Variants in SGCD observed in about 807,000 individuals in gnomAD.
The protein encoded by SGCD is sarcoglycan delta, also known as delta-sarcoglycan.
Under a neutral mutation model 36.6 loss-of-function variants are expected in SGCD, and 18 were observed. That is an observed-to-expected ratio of 0.49 (90% CI 0.34 to 0.73). The LOEUF (loss-of-function observed/expected upper bound fraction) is 0.73. SGCD is among the 30% of genes least tolerant of loss of function. The pLI is 0.01. For synonymous variants in SGCD, 133 were observed against 130.6 expected, an observed-to-expected ratio of 1.02 and a Z score of -0.12; for missense variants, 387 against 346.7, an observed-to-expected ratio of 1.12 and a Z score of -0.92.
chr5:156,738,304 G>C (rs772331701), intron 7 of SGCD, among the ~76,000 whole-genome samples: 1 of 152,148 alleles, frequency 6.6e-6, no homozygotes, highest in Non-Finnish European at 1.5e-5. Context: ...ACCATAAAGA[G>C]AGTCCCTCTG....
At chr5:156,243,216 G>A (rs1765348979) in intron 3 of SGCD, among the ~76,000 whole-genome samples, 1 of 152,250 alleles carries the variant, frequency 6.6e-6, no homozygotes, top group Non-Finnish European at 1.5e-5. Flanking sequence ...GGGCATTAGA[G>A]CACAGGTCAG....
chr5:156,407,810 C>T (rs77795618), intron 3 of SGCD, among the ~76,000 whole-genome samples: 19 of 112,048 alleles, frequency 1.7e-4, no homozygotes, highest in African/African-American at 6.7e-4. Context: ...ATTTTGCTTA[C>T]TTAATGATTA....
At chr5:156,012,114 C>A (rs1419951615) in intron 1 of SGCD, among the ~76,000 whole-genome samples, 2 of 152,156 alleles carry the variant, frequency 1.3e-5, no homozygotes, top group Admixed American at 6.5e-5. Context: ...CTTATATATT[C>A]ATTTCTAATT....
At chr5:155,969,745 T>C (rs1208303155) in intron 1 of SGCD, among the ~76,000 whole-genome samples, 1 of 152,052 alleles carries the variant, frequency 6.6e-6, no homozygotes, top group Non-Finnish European at 1.5e-5. Context: ...CGTGGGCTAG[T>C]GTGTGGAAAA....
At chr5:156,593,783 T>G (rs138814390) in intron 5 of SGCD, among the ~76,000 whole-genome samples, 1 of 152,316 alleles carries the variant, frequency 6.6e-6, no homozygotes, top group African/African-American at 2.4e-5. Flanking sequence ...CTAGTGGTCT[T>G]TGGCTGGAAG....
At chr5:156,084,525 G>A (rs1002403750) in intron 1 of SGCD, among the ~76,000 whole-genome samples, 5 of 152,180 alleles carry the variant, frequency 3.3e-5, no homozygotes, top group African/African-American at 9.7e-5. Context: ...TCAGTGTGGG[G>A]TGGCCTTAGA....
In SGCD at chr5:156,502,147, C is replaced by T. The variant is rs139919668; in HGVS notation, c.193-6454C>T. The stretch of plus-strand genomic sequence containing the variant: ...CTGCAAACTCTGCCTCCTGTGTTCA[C>T]GCCATTCTCCTGCCTCAGCCTCCTG... On this transcript the variant is annotated intron_variant, in intron 3 of 8. Coordinates refer to ENST00000337851, the MANE Select transcript of SGCD (RefSeq NM_000337.6). Among the ~76,000 whole-genome samples, 1,229 of 151,408 alleles carry T rather than the reference C, an allele frequency of 8.1e-3. 24 individuals are homozygous for T. The highest frequency in any genetic ancestry group is 0.027 in the African/African-American group (1,111 of 41,264).
intron 3 of SGCD, among the ~76,000 whole-genome samples, chr5:156,299,056 TA>T (rs1415528392): frequency 1.3e-5 from 2 of 152,196 alleles, no homozygotes; most frequent in African/African-American, 4.8e-5. Flanking sequence ...TTTTTTAAAT[TA>T]GTTTCATAGT....
chr5:156,646,001 A>G (rs2113580304), intron 6 of SGCD, among the ~76,000 whole-genome samples: 1 of 152,206 alleles, frequency 6.6e-6, no homozygotes, highest in East Asian at 1.9e-4. Flanking sequence ...TTCTTTTGAG[A>G]GAGGGAAACT....
chr5:156,743,929 G>A (rs1035258855), intron 7 of SGCD, among the ~76,000 whole-genome samples: 3 of 152,060 alleles, frequency 2.0e-5, no homozygotes, highest in Non-Finnish European at 2.9e-5. Flanking sequence ...CTATTTTCTG[G>A]TGCTTATTTT....
At chr5:156,294,319 G>A (rs926706570) in intron 3 of SGCD, among the ~76,000 whole-genome samples, 1 of 152,022 alleles carries the variant, frequency 6.6e-6, no homozygotes, top group African/African-American at 2.4e-5. Context: ...GATGCCAGCT[G>A]GGCACAATGG....
chr5:156,611,333 G>A (rs2113462012), intron 6 of SGCD, among the ~76,000 whole-genome samples: 1 of 152,286 alleles, frequency 6.6e-6, no homozygotes, highest in African/African-American at 2.4e-5. Flanking sequence ...TTGCTTGTGT[G>A]CAAAAGTCTT....
the SGCD span, among the ~76,000 whole-genome samples, chr5:155,797,032 A>G: frequency 2.6e-5 from 4 of 152,120 alleles, no homozygotes; most frequent in Non-Finnish European, 4.4e-5. Context: ...CAAGGAAGAA[A>G]ACACCAATAC....
intron 4 of SGCD, among the ~76,000 whole-genome samples, chr5:156,565,380 C>T (rs1056472390): frequency 1.6e-4 from 25 of 151,966 alleles, no homozygotes; most frequent in Admixed American, 3.9e-4. Flanking sequence ...TTTTAAAAAC[C>T]TGCCAGCCCT....
At chr5:156,663,334 A>G (rs1333215859) in intron 7 of SGCD, among the ~76,000 whole-genome samples, 1 of 140,614 alleles carries the variant, frequency 7.1e-6, no homozygotes, top group African/African-American at 2.8e-5. Flanking sequence ...ACTGATTTAA[A>G]GCAATGATAG....
chr5:156,686,605 T>C (rs538047915), intron 7 of SGCD, among the ~76,000 whole-genome samples: 89 of 152,310 alleles, frequency 5.8e-4, no homozygotes, highest in African/African-American at 2.1e-3. Context: ...TAGTACTTGA[T>C]ACAAAGCTTA....
chr5:155,769,821 CCTT>C, the SGCD span, among the ~76,000 whole-genome samples: 1 of 152,134 alleles, frequency 6.6e-6, no homozygotes, highest in Non-Finnish European at 1.5e-5. Context: ...GCACAGTAAT[CCTT>C]CTAAAACACA....
At chr5:156,584,427 G>A (rs1440536871) in intron 4 of SGCD, among the ~76,000 whole-genome samples, 1 of 152,146 alleles carries the variant, frequency 6.6e-6, no homozygotes, top group African/African-American at 2.4e-5. Context: ...GCAGACCAGG[G>A]GCTACCTGCT....
chr5:156,379,252 T>C (rs1450620266), intron 3 of SGCD, among the ~76,000 whole-genome samples: 1 of 152,144 alleles, frequency 6.6e-6, no homozygotes. Context: ...AAATAAGTCA[T>C]AGATGGAGGT....
Sources: allele counts gnomAD v4.1 joint callset (sites outside exome capture counted in the v4.1 genomes callset), GRCh38; gene constraint gnomAD v4.1.1; transcripts MANE v1.5; gene names NCBI Gene and HGNC (gene_info 2026-07-23, HGNC 2026-07-21).